Variants in BABAM2 observed in about 807,000 individuals in gnomAD.
The protein encoded by BABAM2 is BRISC and BRCA1-A complex member 2.
In BABAM2, 31 loss-of-function variants were observed where a neutral mutation model predicts 54.7. The observed-to-expected ratio is 0.57, with a 90% CI of 0.43 to 0.77. The LOEUF (loss-of-function observed/expected upper bound fraction) is 0.77, where lower values mean the gene tolerates loss of function less well. Among genes scored for constraint, BABAM2 ranks in the 30% least tolerant of loss-of-function variants. BABAM2 has a pLI of 0.00. For synonymous variants in BABAM2, 167 were observed against 162.9 expected (o/e 1.03, Z -0.19); for missense variants, 364 against 455.8 (o/e 0.80, Z 1.83).
chr2:28,286,936 T>G (rs1686870373), intron 10 of BABAM2, among the ~76,000 whole-genome samples: 1 of 152,116 alleles, frequency 6.6e-6, no homozygotes, highest in Admixed American at 6.5e-5. Context: ...ACTAGATCCT[T>G]TAGGGAAAAA....
intron 11 of BABAM2, among the ~76,000 whole-genome samples, chr2:28,300,735 G>T (rs1013402266): frequency 3.3e-5 from 5 of 152,170 alleles, no homozygotes; most frequent in African/African-American, 1.2e-4. Context: ...TTCAGTATAG[G>T]AATATCGTAA....
chr2:28,198,577 G>A (rs1465943965), intron 7 of BABAM2, among the ~76,000 whole-genome samples: 1 of 152,084 alleles, frequency 6.6e-6, no homozygotes, highest in Non-Finnish European at 1.5e-5. Context: ...GGTACCTGAG[G>A]TACCTTCCTG....
chr2:28,331,286 A>C (rs1277525254), intron 11 of BABAM2, among the ~76,000 whole-genome samples: 2 of 152,254 alleles, frequency 1.3e-5, no homozygotes, highest in East Asian at 3.8e-4. Flanking sequence ...CAAAAACGTC[A>C]AAAGAATTGC....
At chr2:27,933,470 C>T (rs1374939983) in intron 3 of BABAM2, among the ~76,000 whole-genome samples, 2 of 150,952 alleles carry the variant, frequency 1.3e-5, no homozygotes, top group Non-Finnish European at 2.9e-5. Flanking sequence ...TTAAAAAACA[C>T]ATATATATGT....
intron 3 of BABAM2, among the ~76,000 whole-genome samples, chr2:27,933,502 AC>A (rs758232616): frequency 5.3e-5 from 8 of 151,818 alleles, no homozygotes; most frequent in African/African-American, 1.5e-4. Context: ...TATATATATA[AC>A]ATACACATAT....
intron 5 of BABAM2, among the ~76,000 whole-genome samples, chr2:28,041,650 C>CAGGTGAACAAGG (rs1677110282): frequency 1.3e-5 from 2 of 152,182 alleles, no homozygotes; most frequent in Admixed American, 1.3e-4. Flanking sequence ...CACAGGCACA[C>CAGGTGAACAAGG]GCCTGCATCA....
chr2:28,332,530 C>T (rs769042416), intron 11 of BABAM2, among the ~76,000 whole-genome samples: 1 of 152,136 alleles, frequency 6.6e-6, no homozygotes, highest in Non-Finnish European at 1.5e-5. Flanking sequence ...GAGTCCTGTG[C>T]CTCCTAGTGC....
At chr2:27,890,345 T>A, upstream of BABAM2, 1 of 1,613,134 alleles carries the variant, frequency 6.2e-7, no homozygotes, top group Non-Finnish European at 8.5e-7. The surrounding 1 kb of genome is among the most constrained non-coding windows in gnomAD (Gnocchi z 4.8). Context: ...GACGCCGCCA[T>A]CGCTCAAAGG....
chr2:28,116,272 A>G (rs1224468609), intron 6 of BABAM2, among the ~76,000 whole-genome samples: 1 of 152,184 alleles, frequency 6.6e-6, no homozygotes, highest in Non-Finnish European at 1.5e-5. Flanking sequence ...AGACAGTTCC[A>G]GAGGGATATG....
rs1690786556 is a variant in BABAM2 at position 28,329,720 on chromosome 2, C to G, written c.1089-8730C>G. Reference sequence around the variant, plus strand: ...CTACCAACCAAAAAAAGCCCAGGACCAGATGAATTTACAGCTGAATTCTAC... The same window carrying G: ...CTACCAACCAAAAAAAGCCCAGGACGAGATGAATTTACAGCTGAATTCTAC... On this transcript the variant is annotated intron_variant, in intron 11 of 11. Coordinates refer to ENST00000379624, the MANE Select transcript of BABAM2 (RefSeq NM_199191.3). The surrounding 1 kb of genome is among the most constrained non-coding windows in gnomAD (Gnocchi z 4.2). Among the ~76,000 whole-genome samples the G allele has an allele frequency of 6.6e-6, 1 of 152,136 alleles. No individual in the cohort carries two copies. Among genetic ancestry groups the G allele is most frequent in the African/African-American group, 2.4e-5 (1 of 41,400 alleles).
intron 2 of BABAM2, among the ~76,000 whole-genome samples, chr2:27,906,001 T>A (rs765806498): frequency 1.3e-5 from 2 of 152,180 alleles, no homozygotes; most frequent in Non-Finnish European, 2.9e-5. Context: ...GATTGAACAC[T>A]GATTGTCTTG....
intron 7 of BABAM2, among the ~76,000 whole-genome samples, chr2:28,230,939 T>C (rs1320712374): frequency 6.6e-6 from 1 of 152,218 alleles, no homozygotes; most frequent in Non-Finnish European, 1.5e-5. Context: ...AATCACTTAT[T>C]CTACTATTTC....
At chr2:27,905,310 G>A (rs1573130417) in intron 2 of BABAM2, among the ~76,000 whole-genome samples, 1 of 152,148 alleles carries the variant, frequency 6.6e-6, no homozygotes, top group Non-Finnish European at 1.5e-5. Flanking sequence ...GGGGTTGTGT[G>A]GCAGGATAAT....
chr2:28,148,721 A>G (rs1671736632), intron 7 of BABAM2, among the ~76,000 whole-genome samples: 1 of 152,198 alleles, frequency 6.6e-6, no homozygotes, highest in South Asian at 2.1e-4. Flanking sequence ...ATGCAGGGCA[A>G]ACAAGAGCTG....
chr2:27,969,961 T>C (rs1022244057), intron 3 of BABAM2, among the ~76,000 whole-genome samples: 1 of 152,144 alleles, frequency 6.6e-6, no homozygotes, highest in African/African-American at 2.4e-5. Flanking sequence ...GAAGGGAGTA[T>C]GGTGGGTCAC....
At chr2:28,238,756 T>G (rs913296293) in intron 8 of BABAM2, among the ~76,000 whole-genome samples, 2 of 152,162 alleles carry the variant, frequency 1.3e-5, no homozygotes, top group African/African-American at 4.8e-5. Context: ...TAGAGAAACA[T>G]GCAAATTTGG....
chr2:28,319,914 CG>C, intron 11 of BABAM2, among the ~76,000 whole-genome samples: 1 of 152,152 alleles, frequency 6.6e-6, no homozygotes. Context: ...ACCTCACTCC[CG>C]AGGCACTGGG....
chr2:28,254,366 AC>A (rs1683769633), intron 10 of BABAM2, among the ~76,000 whole-genome samples: 1 of 151,952 alleles, frequency 6.6e-6, no homozygotes, highest in South Asian at 2.1e-4. Context: ...CGAACTCCTG[AC>A]CTCAGGTGAT....
chr2:28,031,149 T>G (rs761261061), intron 5 of BABAM2, among the ~76,000 whole-genome samples: 2 of 152,212 alleles, frequency 1.3e-5, no homozygotes, highest in Non-Finnish European at 2.9e-5. Context: ...TATCATAAAC[T>G]TAGATGATCT....
Sources: gnomAD v4.1 joint callset for allele counts (sites outside exome capture counted in the v4.1 genomes callset) on GRCh38, gnomAD v4.1.1 for gene constraint, Gnocchi (gnomAD v3.1) non-coding constraint, MANE v1.5 for transcripts, NCBI Gene and HGNC (gene_info 2026-07-23, HGNC 2026-07-21) for gene names.